ANK3: variants seen among roughly 807,000 people sequenced by gnomAD.
ANK3 encodes the protein ankyrin 3.
ANK3 carries 57 observed loss-of-function variants against 370.9 expected under a neutral mutation model. That is an observed-to-expected ratio of 0.15 (90% CI 0.12 to 0.19). The LOEUF (loss-of-function observed/expected upper bound fraction) is 0.19. Ranked by LOEUF, ANK3 falls within the 10% of genes least tolerant of loss-of-function variation. The pLI is 1.00. For missense variants in ANK3, 4,439 were observed against 5,302.1 expected (o/e 0.84, Z 5.06); for synonymous variants, 1,929 against 1,946.3 (o/e 0.99, Z 0.23).
intron 2 of ANK3, among the ~76,000 whole-genome samples, chr10:60,559,640 A>G (rs922951633): frequency 2.0e-5 from 3 of 152,136 alleles, no homozygotes; most frequent in Non-Finnish European, 4.4e-5. Context: ...AAACTCTAAT[A>G]TATGTGATTC....
intron 2 of ANK3, among the ~76,000 whole-genome samples, chr10:60,478,167 A>G (rs1473513452): frequency 6.6e-6 from 1 of 152,114 alleles, no homozygotes; most frequent in Non-Finnish European, 1.5e-5. Flanking sequence ...GAGTCCAACC[A>G]TGAAGCAGTC....
rs1173862941 is a variant in ANK3, at chr10:60,495,439, G to A, written c.96+119747C>T. ...GTGCTTGGTAGACACATTACAGTTTGAGAAGCACACTTCTAGAGTATCCTC... is the reference window on the plus strand; with the variant it reads ...GTGCTTGGTAGACACATTACAGTTTAAGAAGCACACTTCTAGAGTATCCTC... On this transcript the variant is annotated intron_variant, in intron 2 of 43. Coordinates refer to the ANK3 transcript ENST00000373827. Among the ~76,000 whole-genome samples, 12 of 152,124 alleles carry A rather than the reference G, an allele frequency of 7.9e-5. No homozygotes were observed. In the East Asian group the frequency reaches 2.3e-3, roughly 29 times the overall value.
intron 23 of ANK3, among the ~76,000 whole-genome samples, chr10:60,158,685 C>CTTTTTCTTTTT (rs1555028777): frequency 8.3e-5 from 11 of 132,710 alleles, no homozygotes; most frequent in Non-Finnish European, 4.7e-5. Flanking sequence ...CACTTTTTTT[C>CTTTTTCTTTTT]TTTTTTTTGA....
chr10:60,119,399 C>G (rs895494348), intron 25 of ANK3, among the ~76,000 whole-genome samples: 18 of 152,212 alleles, frequency 1.2e-4, no homozygotes, highest in African/African-American at 4.1e-4. Flanking sequence ...TGACATGTTA[C>G]TGTGCATAGC....
chr10:60,585,715 G>C (rs2077821232), intron 2 of ANK3, among the ~76,000 whole-genome samples: 1 of 152,094 alleles, frequency 6.6e-6, no homozygotes, highest in African/African-American at 2.4e-5. Flanking sequence ...GATTAGACAT[G>C]TACCAAGGTG....
chr10:60,654,173 C>G (rs2078831141), intron 1 of ANK3, among the ~76,000 whole-genome samples: 1 of 152,042 alleles, frequency 6.6e-6, no homozygotes, highest in Non-Finnish European at 1.5e-5. Flanking sequence ...TTTCTTATAT[C>G]CTGCAACCTT....
intron 16 of ANK3, among the ~76,000 whole-genome samples, chr10:60,191,368 G>T (rs75179191): frequency 0.053 from 7,809 of 146,572 alleles, 393 homozygotes; most frequent in East Asian, 0.24. Flanking sequence ...GGATTTATGA[G>T]GAACTCAACT....
intron 1 of ANK3, among the ~76,000 whole-genome samples, chr10:60,704,047 C>T (rs1050597739): frequency 6.6e-6 from 1 of 152,184 alleles, no homozygotes. Flanking sequence ...TAGGCCATTG[C>T]TTTTGGAACC....
chr10:60,341,847 A>C (rs2132984315), intron 1 of ANK3, among the ~76,000 whole-genome samples: 1 of 152,294 alleles, frequency 6.6e-6, no homozygotes, highest in South Asian at 2.1e-4. Context: ...GTTAATTCAC[A>C]AGAGGCATAG....
At chr10:60,331,088 A>G (rs1362409628) in intron 1 of ANK3, among the ~76,000 whole-genome samples, 1 of 141,308 alleles carries the variant, frequency 7.1e-6, no homozygotes, top group African/African-American at 2.6e-5. Context: ...GGGCACAGGG[A>G]GGGGAACATT....
chr10:60,140,443 TC>T, intron 23 of ANK3: 1 of 1,612,120 alleles, frequency 6.2e-7, no homozygotes, highest in South Asian at 1.1e-5. Flanking sequence ...AGAATCAACC[TC>T]CAAAACAGCT....
chr10:60,622,429 G>T (rs2078350494), intron 1 of ANK3, among the ~76,000 whole-genome samples: 1 of 152,020 alleles, frequency 6.6e-6, no homozygotes, highest in South Asian at 2.1e-4. Context: ...TTTTAGTAGA[G>T]ATGGGGTTTC....
chr10:60,714,004 C>T (rs2079747823), intron 1 of ANK3, among the ~76,000 whole-genome samples: 1 of 151,066 alleles, frequency 6.6e-6, no homozygotes, highest in African/African-American at 2.4e-5. Context: ...CAGGCTAACC[C>T]AGAAAAAGAA....
At chr10:60,555,350 T>C (rs1345099114) in intron 2 of ANK3, among the ~76,000 whole-genome samples, 2 of 151,866 alleles carry the variant, frequency 1.3e-5, no homozygotes, top group Non-Finnish European at 2.9e-5. Flanking sequence ...GTGTGTACCT[T>C]TAGTCTCAGC....
At chr10:60,084,549 A>G in intron 32 of ANK3, 53 bp downstream of exon 32, 2 of 1,442,848 alleles carry the variant, frequency 1.4e-6, no homozygotes, top group Non-Finnish European at 1.9e-6. Flanking sequence ...ACAAAATAAA[A>G]CCTCATATCT....
intron 2 of ANK3, among the ~76,000 whole-genome samples, chr10:60,428,957 G>T (rs1326218278): frequency 2.0e-5 from 3 of 152,074 alleles, no homozygotes; most frequent in African/African-American, 7.2e-5. Context: ...AGGAATAAGG[G>T]CTGCTTATTT....
At chr10:60,084,939 C>T (rs183712318) in intron 31 of ANK3, 109 bp from the exon 32 acceptor site, 32 of 845,272 alleles carry the variant, frequency 3.8e-5, no homozygotes, top group Non-Finnish European at 4.6e-5. Context: ...TAACCCAAAA[C>T]GTTATTAACT....
At position 60,068,028 on chromosome 10, in the gene ANK3, T is replaced by C. The variant is rs1240636330; in HGVS notation, c.12245-19A>G. 6.3e-7 allele frequency: 1 copy of C among 1,588,866 alleles called. No individual in the cohort carries two copies. Among genetic ancestry groups the C allele is most frequent in the Non-Finnish European group, 8.6e-7 (1 of 1,160,400 alleles). On this transcript the variant is annotated intron_variant, in intron 37 of 43. Transcript: ENST00000280772. ...TGTGGACCTACGATTTACAATTTCTTAATTAAAATAATCATCAAGAAAGAT... is the reference window on the plus strand; with the variant it reads ...TGTGGACCTACGATTTACAATTTCTCAATTAAAATAATCATCAAGAAAGAT...
At chr10:60,338,790 T>A (rs1319811527) in intron 1 of ANK3, among the ~76,000 whole-genome samples, 1 of 152,198 alleles carries the variant, frequency 6.6e-6, no homozygotes, top group African/African-American at 2.4e-5. Flanking sequence ...TTTTCCCCCA[T>A]AGCGGGAGTT....
Sources: allele counts gnomAD v4.1 joint callset (sites outside exome capture counted in the v4.1 genomes callset), GRCh38; gene constraint gnomAD v4.1.1; transcripts MANE v1.5; gene names NCBI Gene and HGNC (gene_info 2026-07-23, HGNC 2026-07-21).